SCGB2B2: variants seen among roughly 807,000 people sequenced by gnomAD.
SCGB2B2 encodes the protein secretoglobin family 2B member 2.
A neutral mutation model predicts 7.6 loss-of-function variants in SCGB2B2; 11 were observed. The ratio of observed to expected loss-of-function variants is 1.45; its 90% CI spans 0.91 to 2.40. SCGB2B2 has a LOEUF of 2.40. Ranked by LOEUF, SCGB2B2 falls within the 30% of genes most tolerant of loss-of-function variation. The pLI, the probability that SCGB2B2 is intolerant of heterozygous loss-of-function variation, is 0.00. For missense variants in SCGB2B2, 104 were observed against 115.4 expected, an observed-to-expected ratio of 0.90 and a Z score of 0.45; for synonymous variants, 50 against 48.6, an observed-to-expected ratio of 1.03 and a Z score of -0.12.
At chr19:34,640,102 T>C (rs1007722141) in intron 1 of SCGB2B2, among the ~76,000 whole-genome samples, 1 of 152,066 alleles carries the variant, frequency 6.6e-6, no homozygotes, top group Admixed American at 6.5e-5. Flanking sequence ...AAACACTTAA[T>C]AGAATATCAT....
At chr19:34,602,844 C>T (rs565962376) in intron 1 of SCGB2B2, among the ~76,000 whole-genome samples, 4 of 152,288 alleles carry the variant, frequency 2.6e-5, no homozygotes, top group South Asian at 2.1e-4. Context: ...AGCCAAGAGC[C>T]ATTCATTAAA....
intron 1 of SCGB2B2, chr19:34,634,957 T>G: frequency 3.6e-6 from 1 of 281,640 alleles, no homozygotes; most frequent in Non-Finnish European, 7.4e-6. Flanking sequence ...AACTCTCTGA[T>G]GTGCAGTAAG....
intron 1 of SCGB2B2, among the ~76,000 whole-genome samples, chr19:34,626,456 T>C (rs532023437): frequency 3.9e-5 from 6 of 152,168 alleles, no homozygotes; most frequent in Admixed American, 3.9e-4. Context: ...AACTACATGA[T>C]GAAAGCACAA....
rs550179067 is a variant in SCGB2B2 at position 34,615,932 on chromosome 19, C to T, written c.-2031-19338G>A. 3.2e-3 allele frequency among the ~76,000 whole-genome samples: 474 copies of T among 150,320 alleles called. 1 individual carries two copies. The highest frequency in any genetic ancestry group is 0.011 in the African/African-American group (440 of 40,896). On this transcript the variant is annotated intron_variant, in intron 1 of 3. Transcript: ENST00000601241. The stretch of plus-strand genomic sequence containing the variant: ...CAATTCCCACCTATGAGTGAGAATA[C>T]GTGGTGTTTGGTTTTTTGTTCTTGC...
intron 1 of SCGB2B2, among the ~76,000 whole-genome samples, chr19:34,606,307 G>A (rs912800146): frequency 2.0e-5 from 3 of 151,880 alleles, no homozygotes; most frequent in African/African-American, 7.3e-5. Flanking sequence ...ATCATATTTA[G>A]AATTTATAAA....
chr19:34,623,006 C>T (rs543480312), intron 1 of SCGB2B2, among the ~76,000 whole-genome samples: 1 of 151,554 alleles, frequency 6.6e-6, no homozygotes, highest in East Asian at 2.0e-4. Flanking sequence ...CCAATATACG[C>T]ATTTGAAAGA....
In SCGB2B2 at chr19:34,592,776, C is replaced by A. The variant is rs1201179983; in HGVS notation, c.*779G>T. ...GTCATGGTGACATGGCCACACAGAC[C>A]CATGGCCTCATGCAGATTGCCTGGT... On this transcript the variant is annotated 3_prime_UTR_variant, in exon 4 of 4. Coordinates refer to ENST00000601241, the MANE Select transcript of SCGB2B2 (RefSeq NM_001025591.4). 2.0e-5 allele frequency among the ~76,000 whole-genome samples: 3 copies of A among 152,122 alleles called. No individual in the cohort carries two copies. The highest frequency in any genetic ancestry group is 2.9e-5 in the Non-Finnish European group (2 of 68,014).
intron 1 of SCGB2B2, among the ~76,000 whole-genome samples, chr19:34,625,264 T>C (rs758944008): frequency 1.3e-5 from 2 of 152,044 alleles, no homozygotes; most frequent in Middle Eastern, 3.2e-3. Context: ...GAGTGTTGGA[T>C]AGTGGGTGCA....
intron 1 of SCGB2B2, among the ~76,000 whole-genome samples, chr19:34,622,033 C>A (rs2066255725): frequency 6.6e-6 from 1 of 152,290 alleles, no homozygotes; most frequent in South Asian, 2.1e-4. Context: ...TAGAAGACAG[C>A]AGTTCTGCCG....
chr19:34,613,013 C>CA (rs2065975721), intron 1 of SCGB2B2, among the ~76,000 whole-genome samples: 1 of 151,938 alleles, frequency 6.6e-6, no homozygotes, highest in African/African-American at 2.4e-5. Context: ...ATGTTAAAAT[C>CA]TACATTATCA....
chr19:34,626,326 T>C (rs1490399434), intron 1 of SCGB2B2, among the ~76,000 whole-genome samples: 1 of 151,870 alleles, frequency 6.6e-6, no homozygotes, highest in Non-Finnish European at 1.5e-5. Flanking sequence ...AAGGAGGAAG[T>C]TCGAACCCAT....
chr19:34,641,589 G>T (rs1046447336), intron 1 of SCGB2B2, among the ~76,000 whole-genome samples: 2 of 152,164 alleles, frequency 1.3e-5, no homozygotes, highest in African/African-American at 2.4e-5. Flanking sequence ...AAGGTCGTTT[G>T]CCAGATGGCT....
At chr19:34,609,791 C>A (rs1333881553) in intron 1 of SCGB2B2, among the ~76,000 whole-genome samples, 1 of 152,008 alleles carries the variant, frequency 6.6e-6, no homozygotes, top group Admixed American at 6.6e-5. Context: ...CTCAGGGTTG[C>A]TTTGGTTATT....
intron 1 of SCGB2B2, among the ~76,000 whole-genome samples, chr19:34,653,522 G>T (rs1040564693): frequency 2.7e-5 from 4 of 150,224 alleles, no homozygotes; most frequent in Non-Finnish European, 5.9e-5. Context: ...AAAAGCAAAA[G>T]AAGAAAAGAA....
At chr19:34,641,996 T>A (rs1483578396) in intron 1 of SCGB2B2, among the ~76,000 whole-genome samples, 1 of 75,406 alleles carries the variant, frequency 1.3e-5, no homozygotes, top group African/African-American at 3.6e-5. Flanking sequence ...GCTAAGAGCC[T>A]TGTCCCCACA....
chr19:34,633,605 T>C (rs1403702557), intron 1 of SCGB2B2, among the ~76,000 whole-genome samples: 1 of 152,098 alleles, frequency 6.6e-6, no homozygotes, highest in Non-Finnish European at 1.5e-5. Flanking sequence ...TTTGTGGCAA[T>C]GGGGTGCCAG....
At chr19:34,647,668 C>A (rs1385442813) in intron 1 of SCGB2B2, among the ~76,000 whole-genome samples, 2 of 152,216 alleles carry the variant, frequency 1.3e-5, no homozygotes, top group Admixed American at 1.3e-4. Context: ...ACAGGTCAGG[C>A]CTTTTCCCAG....
At position 34,594,207 on chromosome 19, in the gene SCGB2B2, C is replaced by T. The variant is rs116167619; in HGVS notation, c.214G>A (p.Val72Met). 9.9e-5 allele frequency: 160 copies of T among 1,614,094 alleles called. 1 individual carries two copies. In the African/African-American group the frequency reaches 1.5e-3, roughly 15 times the overall value. ...ACTGAATGAGCAAATCTTTCTGTCA[C>T]GGAGACATTGGCAAAGCATTGCTGG... The part of the protein sequence containing the change: ...NVQQCFANVS[V>M]TERFAHSVVI... The change falls in exon 3 of 4, where the codon GTG becomes ATG. Residue 72 changes from valine to methionine, a missense_variant. Physicochemically the swap from Val to Met is conservative, Grantham distance 21. Transcript: ENST00000601241.
At chr19:34,602,304 G>T (rs2065647874) in intron 1 of SCGB2B2, among the ~76,000 whole-genome samples, 1 of 152,044 alleles carries the variant, frequency 6.6e-6, no homozygotes, top group Non-Finnish European at 1.5e-5. Flanking sequence ...GCCTTAATTG[G>T]TATCATTATT....
Sources: gnomAD v4.1 joint callset for allele counts (sites outside exome capture counted in the v4.1 genomes callset) on GRCh38, gnomAD v4.1.1 for gene constraint, MANE v1.5 for transcripts, NCBI Gene and HGNC (gene_info 2026-07-23, HGNC 2026-07-21) for gene names.